UBR3: variants seen among roughly 807,000 people sequenced by gnomAD.
UBR3 encodes ubiquitin protein ligase E3 component n-recognin 3.
In UBR3, 85 loss-of-function variants were observed where a neutral mutation model predicts 243.2. That is an observed-to-expected ratio of 0.35 (90% CI 0.29 to 0.42). The LOEUF is 0.42. UBR3 is among the 10% of genes least tolerant of loss of function. The pLI is 1.00. For missense variants in UBR3, 1,686 were observed against 2,300.8 expected (o/e 0.73, Z 5.47); for synonymous variants, 748 against 799.8 (o/e 0.94, Z 1.09).
intron 29 of UBR3, among the ~76,000 whole-genome samples, chr2:170,011,969 A>G (rs72874480): frequency 6.6e-5 from 10 of 152,226 alleles, no homozygotes; most frequent in Non-Finnish European, 1.0e-4. Flanking sequence ...TTTGGACTCA[A>G]GTTTCATATA....
At chr2:170,015,706 T>C (rs1287451236) in intron 30 of UBR3, among the ~76,000 whole-genome samples, 1 of 151,890 alleles carries the variant, frequency 6.6e-6, no homozygotes, top group Non-Finnish European at 1.5e-5. Flanking sequence ...ATAAAGACAA[T>C]ATATGTTACC....
intron 18 of UBR3, among the ~76,000 whole-genome samples, chr2:169,929,984 C>G (rs183903728): frequency 1.3e-5 from 2 of 152,248 alleles, no homozygotes; most frequent in Non-Finnish European, 2.9e-5. Context: ...AATCCAGTCT[C>G]TGGTTGGAAA....
chr2:169,990,616 G>A (rs1275400475), intron 25 of UBR3, among the ~76,000 whole-genome samples: 1 of 151,828 alleles, frequency 6.6e-6, no homozygotes, highest in African/African-American at 2.4e-5. Flanking sequence ...AGGAGTTTTT[G>A]TATATTTCTG....
intron 22 of UBR3, among the ~76,000 whole-genome samples, chr2:169,948,128 A>G (rs1275226155): frequency 2.0e-5 from 3 of 151,156 alleles, no homozygotes; most frequent in Non-Finnish European, 4.4e-5. Context: ...AAGAAAATTT[A>G]TATTATTGAG....
intron 10 of UBR3, among the ~76,000 whole-genome samples, chr2:169,913,791 G>C (rs1161514858): frequency 6.6e-6 from 1 of 152,134 alleles, no homozygotes; most frequent in African/African-American, 2.4e-5. Flanking sequence ...TTGAAATGGA[G>C]TCTGATTTAA....
At chr2:170,010,088 A>G (rs2090038979) in intron 29 of UBR3, among the ~76,000 whole-genome samples, 1 of 152,224 alleles carries the variant, frequency 6.6e-6, no homozygotes, top group Admixed American at 6.5e-5. Flanking sequence ...AATGGATTGG[A>G]AAGTAACTTT....
chr2:169,833,756 T>C lies in UBR3; in HGVS notation c.545+5704T>C, dbSNP rs574830585. On this transcript the variant is annotated intron_variant, in intron 1 of 38. Coordinates refer to ENST00000272793, the MANE Select transcript of UBR3 (RefSeq NM_172070.4). The stretch of plus-strand genomic sequence containing the variant: ...AGGTTACTTATGTGTTTAAAAGAGA[T>C]TAGTTATAATTTATCCAGCATTTCT... 5.9e-5 allele frequency among the ~76,000 whole-genome samples: 9 copies of C among 152,154 alleles called. No individual in the cohort carries two copies. The South Asian group carries it at 1.9e-3, about 32-fold the overall frequency.
intron 1 of UBR3, 149 bp downstream of exon 1, chr2:169,828,201 T>C: frequency 2.0e-6 from 2 of 992,326 alleles, no homozygotes; most frequent in Non-Finnish European, 2.5e-6. Context: ...GTGACTGAGC[T>C]GTCAGCGGTG....
intron 20 of UBR3, among the ~76,000 whole-genome samples, chr2:169,944,421 T>C (rs1232567411): frequency 1.3e-5 from 2 of 152,194 alleles, no homozygotes; most frequent in African/African-American, 4.8e-5. Context: ...AGTTATATTT[T>C]TCAATTTTTT....
chr2:169,856,458 G>A (rs2082868278), intron 1 of UBR3, among the ~76,000 whole-genome samples: 1 of 152,212 alleles, frequency 6.6e-6, no homozygotes, highest in African/African-American at 2.4e-5. Flanking sequence ...TGCAATCTCT[G>A]CACTTTGGGA....
At position 169,905,282 on chromosome 2, in the gene UBR3, C is replaced by A; in HGVS notation, c.1634C>A (p.Ser545Tyr). The A allele has an allele frequency of 6.6e-7, 1 of 1,519,032 alleles. No homozygotes were observed. Among genetic ancestry groups the A allele is most frequent in the South Asian group, 1.3e-5 (1 of 75,954 alleles). 94.1% of individuals were successfully genotyped at this position (1,519,032 alleles called of 1,614,324 possible). The change falls in exon 9 of 39, where the codon TCT (serine) becomes TAT (tyrosine). Residue 545 changes from serine (S) to tyrosine (Y), a missense_variant. Physicochemically the swap from Ser to Tyr is moderately radical, Grantham distance 144. Around this residue, in one of 8 missense-constraint regions of UBR3, gnomAD observed 346 missense variants for 585.8 expected, o/e 0.59. Transcript: ENST00000272793. ...TTAGTTACATGGATGAACTTTGTAT[C>A]TTTCTTTCAAGGTATGAATTTTATC... ...GLLVTWMNFV[S>Y]FFQGMNLNKR... is the part of the protein sequence containing the mutation.
chr2:170,078,534 G>C (rs909129326), intron 36 of UBR3, among the ~76,000 whole-genome samples: 3 of 152,172 alleles, frequency 2.0e-5, no homozygotes, highest in African/African-American at 4.8e-5. Context: ...CATTCTGTAG[G>C]TGATTTCTTC....
At chr2:169,969,274 C>T (rs2354246) in intron 24 of UBR3, among the ~76,000 whole-genome samples, 122,845 of 152,160 alleles carry the variant, frequency 0.81, 50,021 homozygotes, top group East Asian at 0.89. Flanking sequence ...CTCAGACCAA[C>T]GCTTTAAGCA....
intron 35 of UBR3, 88 bp downstream of exon 35, chr2:170,061,531 A>G: frequency 6.6e-7 from 1 of 1,514,178 alleles, no homozygotes; most frequent in Non-Finnish European, 8.9e-7. Flanking sequence ...GCAGTGGCAC[A>G]ATCTCGGCTT....
At chr2:169,907,008 T>TA (rs2085036204) in intron 10 of UBR3, among the ~76,000 whole-genome samples, 1 of 151,660 alleles carries the variant, frequency 6.6e-6, no homozygotes. Context: ...ACAGCCTTGT[T>TA]ACAATCTTAC....
chr2:170,019,656 G>A (rs1011013014), intron 30 of UBR3, among the ~76,000 whole-genome samples: 2 of 152,108 alleles, frequency 1.3e-5, no homozygotes, highest in African/African-American at 4.8e-5. Flanking sequence ...TTGCACTACA[G>A]ACTGGGTGAC....
At position 169,827,475 on chromosome 2, in the gene UBR3, G is replaced by T. The variant is rs1015723996; in HGVS notation, c.-33G>T. ...CCTCACTCTCCCTGGAGGAGCCGCT[G>T]GCCCTGGACTCTCCAAATTCTGAGC... On this transcript the variant is annotated 5_prime_UTR_variant, in exon 1 of 39. Coordinates refer to ENST00000272793, the MANE Select transcript of UBR3 (RefSeq NM_172070.4). The T allele has an allele frequency of 3.3e-6, 4 of 1,222,136 alleles. No individual in the cohort carries two copies. The Admixed American group carries it at 1.7e-4, about 52-fold the overall frequency. The allele number at this position is 1,222,136 out of a possible 1,614,324, so 75.7% of individuals were successfully genotyped here. A position where few individuals can be genotyped will look rare whatever the true frequency, so the allele number is the denominator to read the frequency against.
intron 1 of UBR3, among the ~76,000 whole-genome samples, chr2:169,845,763 T>C (rs2082459240): frequency 1.3e-5 from 2 of 151,900 alleles, no homozygotes; most frequent in African/African-American, 4.8e-5. Flanking sequence ...TTTGTATTTT[T>C]AGTAGAGACA....
intron 3 of UBR3, among the ~76,000 whole-genome samples, chr2:169,876,720 G>C (rs1187990880): frequency 6.6e-6 from 1 of 151,996 alleles, no homozygotes; most frequent in Non-Finnish European, 1.5e-5. Flanking sequence ...ATCATGCCCA[G>C]CTAATTTTAA....
Sources: gnomAD v4.1 joint callset for allele counts (sites outside exome capture counted in the v4.1 genomes callset) on GRCh38, gnomAD v4.1.1 for gene constraint, gnomAD v4.1.1 regional missense constraint, MANE v1.5 for transcripts, NCBI Gene and HGNC (gene_info 2026-07-23, HGNC 2026-07-21) for gene names.